Variants in CDKAL1 observed in about 807,000 individuals in gnomAD.
CDKAL1 encodes threonylcarbamoyladenosine tRNA methylthiotransferase.
A neutral mutation model predicts 68.2 loss-of-function variants in CDKAL1; 32 were observed. The observed-to-expected ratio is 0.47, with a 90% CI of 0.35 to 0.63. The LOEUF (loss-of-function observed/expected upper bound fraction) is 0.63. Ranked by LOEUF, CDKAL1 falls within the 30% of genes least tolerant of loss-of-function variation. CDKAL1 has a pLI of 0.00. For synonymous variants in CDKAL1, 234 were observed against 244.3 expected (o/e 0.96, Z 0.39); for missense variants, 606 against 696.7 (o/e 0.87, Z 1.47).
At chr6:20,840,888 G>A (rs958044141) in intron 8 of CDKAL1, among the ~76,000 whole-genome samples, 1 of 152,166 alleles carries the variant, frequency 6.6e-6, no homozygotes, top group Non-Finnish European at 1.5e-5. Flanking sequence ...TGGTTTCTTG[G>A]GTTTTTGTTT....
intron 8 of CDKAL1, among the ~76,000 whole-genome samples, chr6:20,811,939 A>G (rs1011429957): frequency 1.3e-5 from 2 of 152,214 alleles, no homozygotes; most frequent in Admixed American, 1.3e-4. Flanking sequence ...TACAAATATA[A>G]AAGCCATCCT....
chr6:20,929,728 T>C (rs1763342367), intron 9 of CDKAL1, among the ~76,000 whole-genome samples: 1 of 152,136 alleles, frequency 6.6e-6, no homozygotes, highest in Non-Finnish European at 1.5e-5. Context: ...ATCTACTAGC[T>C]CTCTGCCTCT....
chr6:21,196,282 A>C (rs191732059), intron 13 of CDKAL1, among the ~76,000 whole-genome samples: 70 of 152,384 alleles, frequency 4.6e-4, no homozygotes, highest in African/African-American at 1.3e-3. Flanking sequence ...TAAGCAACTC[A>C]CACTGTGAAA....
At chr6:21,163,610 G>C (rs1379621026) in intron 13 of CDKAL1, among the ~76,000 whole-genome samples, 1 of 152,174 alleles carries the variant, frequency 6.6e-6, no homozygotes, top group African/African-American at 2.4e-5. Flanking sequence ...ATCAGAAAAA[G>C]GCATGTGGTG....
intron 4 of CDKAL1, among the ~76,000 whole-genome samples, chr6:20,634,357 T>C (rs1426935841): frequency 6.6e-6 from 1 of 152,232 alleles, no homozygotes; most frequent in East Asian, 1.9e-4. Context: ...ACTTATTTTC[T>C]TTTTCATCAA....
chr6:21,073,138 A>T (rs1403418341), intron 12 of CDKAL1, among the ~76,000 whole-genome samples: 3 of 152,110 alleles, frequency 2.0e-5, no homozygotes, highest in Admixed American at 2.0e-4. Flanking sequence ...ATTCCTTTGA[A>T]TCTTTTCACG....
intron 9 of CDKAL1, among the ~76,000 whole-genome samples, chr6:20,947,474 C>T (rs1764305228): frequency 6.6e-6 from 1 of 152,002 alleles, no homozygotes; most frequent in African/African-American, 2.4e-5. Context: ...ACCTGTAGTT[C>T]CAGCTACCTG....
rs34495587 is a variant in CDKAL1, at chr6:21,180,344, C to CTT, written c.1300-17663_1300-17662dup. ...CAGTGACTCTGAGACCTTTAAGTTT[C>CTT]TTTTTTTTTTTTTTTGACCTTTAAG... On this transcript the variant is annotated intron_variant, in intron 13 of 15. Coordinates refer to ENST00000274695, the MANE Select transcript of CDKAL1 (RefSeq NM_017774.3). Among the ~76,000 whole-genome samples, 301 of 140,818 alleles carry CTT rather than the reference C, an allele frequency of 2.1e-3. 3 individuals carry two copies. Among genetic ancestry groups the CTT allele is most frequent in the South Asian group, 0.012 (51 of 4,380 alleles). 92.4% of individuals were successfully genotyped at this position (140,818 alleles called of 152,430 possible).
chr6:21,212,525 C>T lies in CDKAL1; in HGVS notation c.1548+11251C>T, dbSNP rs1779191192. On this transcript the variant is annotated intron_variant, in intron 15 of 15. Transcript: ENST00000274695. ...CATAAATTGTAGTTTCCTAGTTTCC[C>T]TTCTCACTTTCTAATGATGAAAGTG... is the stretch of plus-strand genomic sequence containing the variant. Among the ~76,000 whole-genome samples the T allele has an allele frequency of 3.9e-5, 6 of 152,124 alleles. No individual in the cohort carries two copies. In the South Asian group the frequency reaches 1.2e-3, roughly 31 times the overall value.
chr6:20,799,558 A>G (rs1776281437), intron 8 of CDKAL1, among the ~76,000 whole-genome samples: 1 of 152,228 alleles, frequency 6.6e-6, no homozygotes, highest in Non-Finnish European at 1.5e-5. Flanking sequence ...GACTTATTAT[A>G]TAAAAAATTT....
intron 8 of CDKAL1, among the ~76,000 whole-genome samples, chr6:20,793,613 T>G (rs905441491): frequency 6.6e-6 from 1 of 152,014 alleles, no homozygotes; most frequent in African/African-American, 2.4e-5. Context: ...AAATAATTAA[T>G]TTTCTTAATT....
intron 4 of CDKAL1, among the ~76,000 whole-genome samples, chr6:20,551,330 AGTCCT>A (rs1331941027): frequency 6.6e-6 from 1 of 151,604 alleles, no homozygotes; most frequent in African/African-American, 2.4e-5. Flanking sequence ...TTGGAAACCT[AGTCCT>A]TGTATCACCC....
chr6:20,906,697 G>C (rs924368465), intron 9 of CDKAL1, among the ~76,000 whole-genome samples: 4 of 152,098 alleles, frequency 2.6e-5, no homozygotes, highest in Non-Finnish European at 5.9e-5. Context: ...AAAAGGAAAT[G>C]AGAAAGGAAT....
At chr6:20,818,754 T>G in intron 8 of CDKAL1, among the ~76,000 whole-genome samples, 1 of 151,054 alleles carries the variant, frequency 6.6e-6, no homozygotes. Context: ...ATTATATATA[T>G]ACACACACTA....
At chr6:21,108,301 T>G in intron 12 of CDKAL1, 100 bp from the exon 13 acceptor site, 2 of 669,866 alleles carry the variant, frequency 3.0e-6, no homozygotes, top group South Asian at 2.0e-5. Context: ...AAAAAAAACT[T>G]TATGTATGTA....
At chr6:20,700,195 A>G (rs1771279226) in intron 5 of CDKAL1, among the ~76,000 whole-genome samples, 1 of 151,988 alleles carries the variant, frequency 6.6e-6, no homozygotes, top group Non-Finnish European at 1.5e-5. Context: ...TTTTTTAAAA[A>G]GTTAAACTGA....
At chr6:20,910,180 A>G (rs1762404248) in intron 9 of CDKAL1, among the ~76,000 whole-genome samples, 1 of 152,232 alleles carries the variant, frequency 6.6e-6, no homozygotes, top group Non-Finnish European at 1.5e-5. Context: ...GCTACTGGTT[A>G]AACATAGCTT....
intron 11 of CDKAL1, among the ~76,000 whole-genome samples, chr6:21,030,524 A>C (rs75351148): frequency 6.6e-6 from 1 of 152,132 alleles, no homozygotes; most frequent in Non-Finnish European, 1.5e-5. Flanking sequence ...GTTCATGGAA[A>C]AGCACTGTTT....
In CDKAL1 at chr6:20,709,450, CA is replaced by C. The variant is rs1339466521; in HGVS notation, c.372-30059del. Among the ~76,000 whole-genome samples the C allele has an allele frequency of 1.1e-4, 16 of 148,008 alleles. 1 individual carries two copies. In the South Asian group the frequency reaches 3.0e-3, roughly 28 times the overall value. The stretch of plus-strand genomic sequence containing the variant: ...ATTTTGGATTTTCCAATTAGGGATG[CA>C]AAAAAAAAATTTGAAGTCTGAACAC... On this transcript the variant is annotated intron_variant, in intron 5 of 15. Transcript: ENST00000274695.
Sources: allele counts gnomAD v4.1 joint callset (sites outside exome capture counted in the v4.1 genomes callset), GRCh38; gene constraint gnomAD v4.1.1; transcripts MANE v1.5; gene names NCBI Gene and HGNC (gene_info 2026-07-23, HGNC 2026-07-21).